The following CDKL3 variants were observed in gnomAD, a reference collection of about 807,000 sequenced individuals.
CDKL3 encodes cyclin-dependent kinase-like 3.
A neutral mutation model predicts 69.3 loss-of-function variants in CDKL3; 65 were observed. That is an observed-to-expected ratio of 0.94 (90% confidence interval 0.77 to 1.15). The LOEUF (loss-of-function observed/expected upper bound fraction) is 1.15, where lower values mean the gene tolerates loss of function less well. CDKL3 is among the 50% of genes most tolerant of loss of function. The pLI is 0.00. For missense variants in CDKL3, 652 were observed against 689.2 expected (o/e 0.95, Z 0.61); for synonymous variants, 202 against 221.6 (o/e 0.91, Z 0.79).
chr5:134,297,435 A>G (rs1765414909), downstream of CDKL3, among the ~76,000 whole-genome samples: 1 of 152,066 alleles, frequency 6.6e-6, no homozygotes, highest in Non-Finnish European at 1.5e-5. Context: ...ATACCACATT[A>G]TTTTTAAATA....
chr5:134,371,545 G>A (rs746612335), upstream of CDKL3: 43 of 1,594,734 alleles, frequency 2.7e-5, no homozygotes, highest in South Asian at 6.7e-5. Flanking sequence ...GGGTGGGGGG[G>A]CTGCGCGGGA....
In CDKL3 at chr5:134,311,505, CA is replaced by C. The variant is rs111630635; in HGVS notation, c.881+786del. ...TGGGCAACAAAGCGAGACTTCATCT[CA>C]AAAAAAAAAAGACAACAAGCACTGC... On this transcript the variant is annotated intron_variant, in intron 7 of 12. Transcript: ENST00000265334. Among the ~76,000 whole-genome samples the C allele has an allele frequency of 2.2e-3, 288 of 132,596 alleles. 1 individual carries two copies. The South Asian group carries it at 0.028, about 13-fold the overall frequency. 87.0% of individuals were successfully genotyped at this position (132,596 alleles called of 152,430 possible). A position where few individuals can be genotyped will look rare whatever the true frequency, so the allele number is the denominator to read the frequency against.
At chr5:134,296,986 C>G (rs1765391202), downstream of CDKL3, among the ~76,000 whole-genome samples, 1 of 136,152 alleles carries the variant, frequency 7.3e-6, no homozygotes, top group Non-Finnish European at 1.5e-5. Flanking sequence ...TGGTCTCACT[C>G]TTGTCTTCCA....
At chr5:134,334,572 C>G (rs1776590735) in intron 4 of CDKL3, among the ~76,000 whole-genome samples, 1 of 152,010 alleles carries the variant, frequency 6.6e-6, no homozygotes, top group Non-Finnish European at 1.5e-5. Flanking sequence ...CGTAATTTAC[C>G]CAGTAGTCAT....
At chr5:134,301,652 C>T (rs958454244) in intron 12 of CDKL3, among the ~76,000 whole-genome samples, 5 of 152,074 alleles carry the variant, frequency 3.3e-5, no homozygotes, top group African/African-American at 7.2e-5. Context: ...GAGGCCCAGG[C>T]GGGTGGATCA....
At chr5:134,334,037 G>A (rs1776451487) in intron 4 of CDKL3, among the ~76,000 whole-genome samples, 1 of 152,104 alleles carries the variant, frequency 6.6e-6, no homozygotes, top group Admixed American at 6.6e-5. Flanking sequence ...GTTTAGTCTT[G>A]GGAGAGTGTA....
Position 134,306,826 on chromosome 5 carries a change from C to T in CDKL3, c.1365-124G>A, listed in dbSNP as rs566365789. On this transcript the variant is annotated intron_variant, in intron 9 of 12. Coordinates refer to ENST00000265334, the MANE Select transcript of CDKL3 (RefSeq NM_001113575.2). The stretch of plus-strand genomic sequence containing the variant: ...CTGGAGTGCAGTGTCATGATCTTGG[C>T]TCACTGCAACCTCTGTCTCCTGGGT... 289 of 539,748 alleles carry T rather than the reference C, an allele frequency of 5.4e-4. 2 individuals carry two copies. The South Asian group carries it at 5.7e-3, about 11-fold the overall frequency. 33.4% of individuals were successfully genotyped at this position (539,748 alleles called of 1,614,324 possible). A position where few individuals can be genotyped will look rare whatever the true frequency, so the allele number is the denominator to read the frequency against.
At chr5:134,287,012 A>T (rs1320305531) in intron 8 of CDKL3, among the ~76,000 whole-genome samples, 1 of 152,206 alleles carries the variant, frequency 6.6e-6, no homozygotes. Context: ...CCAAGCTATA[A>T]GAGTAACATA....
rs372462565 is a variant in CDKL3 at position 134,311,283 on chromosome 5, C to A, written c.881+1009G>T. ...CTTCGGGAGGCCAAGGCGGGTGGAT[C>A]ACCTGAGGTCAGGAGTTTGAGACCA... On this transcript the variant is annotated intron_variant, in intron 7 of 12. Transcript: ENST00000265334. 5.9e-5 allele frequency among the ~76,000 whole-genome samples: 9 copies of A among 152,314 alleles called. No individual in the cohort carries two copies. The East Asian group carries it at 1.7e-3, about 29-fold the overall frequency.
Position 134,298,725 on chromosome 5 carries a change from CAAGCTAGTAAG to C in CDKL3, c.1720-26_1720-16del. The stretch of plus-strand genomic sequence containing the variant: ...CCATCTCCACCCTAAAATTAGAAAC[CAAGCTAGTAAG>C]AATCAGGGACTGGAATGTAAATATA... On this transcript the variant is annotated splice_polypyrimidine_tract_variant and intron_variant, in intron 12 of 12. Coordinates refer to ENST00000265334, the MANE Select transcript of CDKL3 (RefSeq NM_001113575.2). 1 of 1,609,886 alleles carries C rather than the reference CAAGCTAGTAAG, an allele frequency of 6.2e-7. No individual in the cohort carries two copies. Among genetic ancestry groups the C allele is most frequent in the Non-Finnish European group, 8.5e-7 (1 of 1,178,194 alleles).
chr5:134,292,519 G>A (rs1229920374), intron 8 of CDKL3, among the ~76,000 whole-genome samples: 13 of 151,842 alleles, frequency 8.6e-5, no homozygotes, highest in East Asian at 1.9e-4. Flanking sequence ...ATCAATGACC[G>A]CAGCCTCCAC....
chr5:134,333,880 GA>G (rs1187812373), intron 4 of CDKL3, among the ~76,000 whole-genome samples: 1 of 152,270 alleles, frequency 6.6e-6, no homozygotes, highest in Admixed American at 6.5e-5. Context: ...GTTTCAGAAG[GA>G]ATGGTACCAG....
At chr5:134,316,848 G>C (rs1260076127) in intron 6 of CDKL3, among the ~76,000 whole-genome samples, 1 of 151,990 alleles carries the variant, frequency 6.6e-6, no homozygotes, top group Admixed American at 6.6e-5. Context: ...CTTTTTAAAA[G>C]CATAAATTTC....
At position 134,366,490 on chromosome 5, in the gene CDKL3, C is replaced by T; in HGVS notation, c.34G>A (p.Glu12Lys). Residue 12 changes from glutamate (E) to lysine (K), a missense_variant, in exon 2 of 13, where the codon GAG becomes AAG. Coordinates refer to ENST00000265334, the MANE Select transcript of CDKL3 (RefSeq NM_001113575.2). ...EMYETLGKVGEGSYGTVMKCK... is the reference protein window; with the variant it reads ...EMYETLGKVGKGSYGTVMKCK... The stretch of plus-strand genomic sequence containing the variant: ...TTCATGACTGTTCCGTAACTTCCCT[C>T]TCCCACTTTTCCAAGGGTTTCATAC... 6.2e-7 allele frequency: 1 copy of T among 1,608,250 alleles called. No individual in the cohort carries two copies.
chr5:134,288,540 G>T (rs1764980888), intron 8 of CDKL3, among the ~76,000 whole-genome samples: 1 of 152,170 alleles, frequency 6.6e-6, no homozygotes, highest in African/African-American at 2.4e-5. Context: ...GATACCCTAG[G>T]AGTTTCACAG....
intron 4 of CDKL3, 33 bp downstream of exon 4, chr5:134,350,216 G>C: frequency 3.4e-6 from 5 of 1,466,264 alleles, no homozygotes; most frequent in Non-Finnish European, 4.6e-6. Flanking sequence ...GAGATACCTA[G>C]GAAAGGCTGA....
intron 4 of CDKL3, among the ~76,000 whole-genome samples, chr5:134,333,956 G>A (rs1413227019): frequency 6.6e-6 from 1 of 151,998 alleles, no homozygotes; most frequent in Non-Finnish European, 1.5e-5. Flanking sequence ...TTTTTTGGTT[G>A]GTAGGCTATT....
intron 4 of CDKL3, among the ~76,000 whole-genome samples, chr5:134,337,526 C>A (rs1312940684): frequency 1.3e-5 from 2 of 152,072 alleles, no homozygotes; most frequent in African/African-American, 4.8e-5. Flanking sequence ...ACAAGTTATC[C>A]ATTTGTAAGC....
chr5:134,311,252 C>T (rs911779017), intron 7 of CDKL3, among the ~76,000 whole-genome samples: 2 of 152,186 alleles, frequency 1.3e-5, no homozygotes, highest in African/African-American at 4.8e-5. Context: ...GCCTGTAATC[C>T]CAACACTTCG....
Sources: allele counts gnomAD v4.1 joint callset (sites outside exome capture counted in the v4.1 genomes callset), GRCh38; gene constraint gnomAD v4.1.1; transcripts MANE v1.5; gene names NCBI Gene and HGNC (gene_info 2026-07-23, HGNC 2026-07-21).